DLEU7: variants seen among roughly 807,000 people sequenced by gnomAD.
DLEU7 encodes the protein deleted in lymphocytic leukemia 7, also known as leukemia-associated protein 7.
Under a neutral mutation model 16.0 loss-of-function variants are expected in DLEU7, and 17 were observed. That is an observed-to-expected ratio of 1.06 (90% CI 0.73 to 1.59). The LOEUF (loss-of-function observed/expected upper bound fraction) is 1.59. Ranked by LOEUF, DLEU7 falls within the 40% of genes most tolerant of loss-of-function variation. The pLI is 0.00. For synonymous variants in DLEU7, 113 were observed against 139.8 expected, an observed-to-expected ratio of 0.81 and a Z score of 1.35; for missense variants, 308 against 314.9, an observed-to-expected ratio of 0.98 and a Z score of 0.17.
intron 1 of DLEU7, among the ~76,000 whole-genome samples, chr13:50,769,706 G>A (rs895974860): frequency 3.3e-5 from 5 of 152,168 alleles, no homozygotes; most frequent in Admixed American, 1.3e-4. Context: ...AGTATAGTTT[G>A]AAGTCAGGTA....
chr13:50,750,637 G>A lies in DLEU7; in HGVS notation c.460-37397C>T, dbSNP rs192353785. Among the ~76,000 whole-genome samples, 74 of 152,084 alleles carry A rather than the reference G, an allele frequency of 4.9e-4. No individual in the cohort carries two copies. The South Asian group carries it at 5.6e-3, about 12-fold the overall frequency. ...AGCATTTTGTAGTTTTCCTTGTAGC[G>A]GTCTTTCACCTCCTTGGTTAGGTAT... On this transcript the variant is annotated intron_variant, in intron 1 of 1. Transcript: ENST00000400393.
chr13:50,758,298 T>C (rs149647432), intron 1 of DLEU7, among the ~76,000 whole-genome samples: 1 of 152,308 alleles, frequency 6.6e-6, no homozygotes, highest in East Asian at 1.9e-4. Context: ...CTCCAAAATG[T>C]GTCTTTAAGA....
Position 50,843,138 on chromosome 13 carries a change from G to A in DLEU7, c.459+50C>T. 6.5e-7 allele frequency: 1 copy of A among 1,528,088 alleles called. No individual in the cohort carries two copies. The highest frequency in any genetic ancestry group is 8.8e-7 in the Non-Finnish European group (1 of 1,134,800). 94.7% of individuals were successfully genotyped at this position (1,528,088 alleles called of 1,614,324 possible). On this transcript the variant is annotated intron_variant, in intron 1 of 1. Coordinates refer to ENST00000504404, the MANE Select transcript of DLEU7 (RefSeq NM_001306135.2). This position sits in a 1 kb window ranked among gnomAD's most constrained non-coding sequence, Gnocchi z 5.7. ...CATCCCAGCAGCCCCACCCTTGGAG[G>A]ATGGGAGGTTACCCTGCACGCCAGA...
intron 1 of DLEU7, among the ~76,000 whole-genome samples, chr13:50,830,896 A>G (rs971375182): frequency 6.6e-6 from 1 of 151,940 alleles, no homozygotes; most frequent in Non-Finnish European, 1.5e-5. Context: ...TGCTGGTTCT[A>G]CCCCTTTGGC....
At chr13:50,752,348 G>A (rs549860410) in intron 1 of DLEU7, among the ~76,000 whole-genome samples, 25 of 152,026 alleles carry the variant, frequency 1.6e-4, no homozygotes, top group Non-Finnish European at 4.4e-5. Context: ...ACCGTGCCAG[G>A]CCTTTTTTAG....
chr13:50,785,760 T>C (rs537408969), intron 1 of DLEU7, among the ~76,000 whole-genome samples: 51 of 152,350 alleles, frequency 3.3e-4, no homozygotes, highest in African/African-American at 1.2e-3. Context: ...CAAAACGTCA[T>C]GGGAAGTACC....
chr13:50,744,462 C>T (rs1018657288), intron 1 of DLEU7, among the ~76,000 whole-genome samples: 2 of 152,250 alleles, frequency 1.3e-5, no homozygotes, highest in South Asian at 2.1e-4. Flanking sequence ...AAGTGTTAAA[C>T]GTTAACTCAC....
chr13:50,767,171 C>T (rs1244814579), intron 1 of DLEU7, among the ~76,000 whole-genome samples: 6 of 152,228 alleles, frequency 3.9e-5, no homozygotes, highest in South Asian at 2.1e-4. Flanking sequence ...AAACTCCAGA[C>T]GTGGCCGGGC....
At chr13:50,737,724 TCCCTGA>T (rs1336177795) in intron 1 of DLEU7, among the ~76,000 whole-genome samples, 2 of 152,118 alleles carry the variant, frequency 1.3e-5, no homozygotes, top group African/African-American at 4.8e-5. Context: ...GGCCTCTAAT[TCCCTGA>T]GACACAACAA....
intron 1 of DLEU7, among the ~76,000 whole-genome samples, chr13:50,824,297 G>T (rs1210351467): frequency 6.6e-6 from 1 of 152,050 alleles, no homozygotes. Flanking sequence ...CAAATAAATG[G>T]TACATTTGGA....
intron 1 of DLEU7, among the ~76,000 whole-genome samples, chr13:50,755,917 A>G (rs959019272): frequency 6.6e-6 from 1 of 152,158 alleles, no homozygotes; most frequent in Non-Finnish European, 1.5e-5. Context: ...CCCTTGATGC[A>G]GTACTCTCCC....
chr13:50,832,095 C>T (rs371132019), intron 1 of DLEU7, among the ~76,000 whole-genome samples: 3 of 152,302 alleles, frequency 2.0e-5, no homozygotes, highest in African/African-American at 7.2e-5. Flanking sequence ...TGGAATTCAA[C>T]TGTGAATCCA....
intron 1 of DLEU7, among the ~76,000 whole-genome samples, chr13:50,720,468 G>T (rs989569602): frequency 6.6e-6 from 1 of 152,224 alleles, no homozygotes; most frequent in East Asian, 1.9e-4. Flanking sequence ...GATGATGTAT[G>T]TGAGAGCACC....
intron 1 of DLEU7, among the ~76,000 whole-genome samples, chr13:50,731,434 C>A (rs112271499): frequency 6.6e-6 from 1 of 152,120 alleles, no homozygotes; most frequent in African/African-American, 2.4e-5. Flanking sequence ...AATTGAATAA[C>A]AATAAATATC....
chr13:50,741,863 T>G (rs1874258773), intron 1 of DLEU7, among the ~76,000 whole-genome samples: 1 of 152,210 alleles, frequency 6.6e-6, no homozygotes, highest in South Asian at 2.1e-4. Flanking sequence ...GACTTTTCTT[T>G]CAGTTTTTGC....
intron 1 of DLEU7, among the ~76,000 whole-genome samples, chr13:50,725,124 C>T (rs1279667949): frequency 6.6e-6 from 1 of 152,104 alleles, no homozygotes; most frequent in African/African-American, 2.4e-5. Flanking sequence ...CCTTGAGTCT[C>T]TCCCTGGTGC....
Position 50,721,224 on chromosome 13 carries a change from G to A in DLEU7, c.460-7984C>T, listed in dbSNP as rs572762495. ...CAAGTTCTTCAGCTTTTGGACTCTC[G>A]CACTTAGACCAGTGGTTTGCCAGGG... On this transcript the variant is annotated intron_variant, in intron 1 of 1. Transcript: ENST00000400393. Among the ~76,000 whole-genome samples, 28 of 152,226 alleles carry A rather than the reference G, an allele frequency of 1.8e-4. No individual in the cohort carries two copies. The East Asian group carries it at 5.0e-3, about 27-fold the overall frequency.
chr13:50,823,211 T>C lies in DLEU7; in HGVS notation c.*103A>G. Reference sequence around the variant, plus strand: ...CACGTACCATCAAGTCTTTCCCCTTTGGATATAAAAATATCCATTGTCTGC... The same window carrying C: ...CACGTACCATCAAGTCTTTCCCCTTCGGATATAAAAATATCCATTGTCTGC... On this transcript the variant is annotated 3_prime_UTR_variant, in exon 2 of 2. Transcript: ENST00000504404. The C allele has an allele frequency of 1.3e-6, 2 of 1,495,000 alleles. No homozygotes were observed. The highest frequency in any genetic ancestry group is 1.8e-6 in the Non-Finnish European group (2 of 1,122,220). The allele number at this position is 1,495,000 out of a possible 1,614,324, so 92.6% of individuals were successfully genotyped here.
chr13:50,837,091 G>T (rs1566269885), intron 1 of DLEU7, among the ~76,000 whole-genome samples: 3 of 152,110 alleles, frequency 2.0e-5, no homozygotes, highest in Non-Finnish European at 2.9e-5. Context: ...AAGAACCAAA[G>T]TATTAGCCAG....
Sources: gnomAD v4.1 joint callset for allele counts (sites outside exome capture counted in the v4.1 genomes callset) on GRCh38, gnomAD v4.1.1 for gene constraint, Gnocchi (gnomAD v3.1) non-coding constraint, MANE v1.5 for transcripts, NCBI Gene and HGNC (gene_info 2026-07-23, HGNC 2026-07-21) for gene names.